Variants in HECW2 observed in about 807,000 individuals in gnomAD.
HECW2 encodes HECT, C2 and WW domain containing E3 ubiquitin protein ligase 2.
A neutral mutation model predicts 175.2 loss-of-function variants in HECW2; 61 were observed. That is an observed-to-expected ratio of 0.35 (90% confidence interval 0.28 to 0.43). HECW2 has a LOEUF of 0.43. Ranked by LOEUF, HECW2 falls within the 20% of genes least tolerant of loss-of-function variation. The pLI, the probability that HECW2 is intolerant of heterozygous loss-of-function variation, is 1.00. For missense variants in HECW2, 1,524 were observed against 2,000.5 expected (o/e 0.76, Z 4.54); for synonymous variants, 671 against 731.0 (o/e 0.92, Z 1.32).
intron 1 of HECW2, among the ~76,000 whole-genome samples, chr2:196,488,293 G>C (rs570480873): frequency 6.6e-6 from 1 of 152,232 alleles, no homozygotes; most frequent in African/African-American, 2.4e-5. Flanking sequence ...TAAGAGTTAA[G>C]ATATATCACA....
intron 2 of HECW2, among the ~76,000 whole-genome samples, chr2:196,357,671 CAT>C (rs1377376172): frequency 6.6e-6 from 1 of 152,196 alleles, no homozygotes; most frequent in African/African-American, 2.4e-5. Context: ...GTAATCCCCA[CAT>C]GTCGAGGGAG....
chr2:196,274,250 C>A, intron 15 of HECW2, 127 bp from the exon 16 acceptor site: 1 of 653,390 alleles, frequency 1.5e-6, no homozygotes, highest in Non-Finnish European at 2.7e-6. Context: ...AGAACAGATA[C>A]CAGCTGTGGG....
At chr2:196,463,699 T>G (rs968083549) in intron 1 of HECW2, among the ~76,000 whole-genome samples, 1 of 152,226 alleles carries the variant, frequency 6.6e-6, no homozygotes, top group African/African-American at 2.4e-5. Flanking sequence ...CTCTTTGTTC[T>G]TTGAATTCTA....
chr2:196,582,915 A>G (rs1206903687), intron 1 of HECW2, among the ~76,000 whole-genome samples: 1 of 152,146 alleles, frequency 6.6e-6, no homozygotes, highest in Non-Finnish European at 1.5e-5. Flanking sequence ...CCAAGTGGGG[A>G]CACTGCCTTT....
intron 25 of HECW2, 98 bp downstream of exon 25, chr2:196,220,697 T>A (rs1687633953): frequency 7.8e-7 from 1 of 1,284,250 alleles, no homozygotes; most frequent in Non-Finnish European, 1.1e-6. Flanking sequence ...CAACAGTAAA[T>A]ACAGCAGAAA....
chr2:196,285,522 G>T (rs541608217), intron 14 of HECW2, among the ~76,000 whole-genome samples: 210 of 147,134 alleles, frequency 1.4e-3, no homozygotes, highest in African/African-American at 4.7e-3. Flanking sequence ...TCTTGGAAGT[G>T]CTCAAAAAAA....
chr2:196,230,255 C>A (rs539867931), intron 21 of HECW2, among the ~76,000 whole-genome samples: 3 of 152,300 alleles, frequency 2.0e-5, no homozygotes, highest in Non-Finnish European at 4.4e-5. Flanking sequence ...ACGAAGGCAG[C>A]CTTTGCGGCT....
chr2:196,525,470 C>A (rs1688605420), intron 1 of HECW2, among the ~76,000 whole-genome samples: 1 of 148,974 alleles, frequency 6.7e-6, no homozygotes, highest in Admixed American at 6.7e-5. Flanking sequence ...TAATTTAGTC[C>A]ATTTACATTT....
At chr2:196,272,028 T>C (rs946370325) in intron 16 of HECW2, among the ~76,000 whole-genome samples, 1 of 151,974 alleles carries the variant, frequency 6.6e-6, no homozygotes, top group East Asian at 1.9e-4. Flanking sequence ...CTTACGAAAA[T>C]CAGCCTCACA....
At chr2:196,565,784 A>C (rs1261165632) in intron 1 of HECW2, among the ~76,000 whole-genome samples, 1 of 152,220 alleles carries the variant, frequency 6.6e-6, no homozygotes, top group East Asian at 1.9e-4. Flanking sequence ...TAAAATAATA[A>C]AGAATAATTG....
intron 3 of HECW2, among the ~76,000 whole-genome samples, chr2:196,342,367 G>A (rs1340293016): frequency 2.0e-5 from 3 of 147,154 alleles, no homozygotes; most frequent in African/African-American, 7.6e-5. Context: ...TTGCGCCATT[G>A]TACTCCAGCC....
chr2:196,489,582 C>T (rs1470019898), intron 1 of HECW2, among the ~76,000 whole-genome samples: 2 of 152,142 alleles, frequency 1.3e-5, no homozygotes, highest in Non-Finnish European at 2.9e-5. Context: ...ACATCCCTGG[C>T]GTGTGAAGGA....
rs35290180 is a variant in HECW2, at chr2:196,436,400, C to CA, written c.-35-2943dup. ...TGGGCGACAGAGCGAGACTCCATCT[C>CA]AAAAAAAAAAAAAAAAAAAAAGTTG... is the stretch of plus-strand genomic sequence containing the variant. On this transcript the variant is annotated intron_variant, in intron 1 of 28. Transcript: ENST00000644978. Among the ~76,000 whole-genome samples the CA allele has an allele frequency of 1.1e-3, 89 of 82,040 alleles. 1 individual carries two copies. The highest frequency in any genetic ancestry group is 3.5e-3 in the African/African-American group (80 of 22,896). The allele number at this position is 82,040 out of a possible 152,430, so 53.8% of individuals were successfully genotyped here.
chr2:196,385,630 C>A (rs1267117648), intron 2 of HECW2, among the ~76,000 whole-genome samples: 1 of 152,184 alleles, frequency 6.6e-6, no homozygotes, highest in Non-Finnish European at 1.5e-5. Context: ...GAAGCTAGTC[C>A]TTTAACTTCT....
At chr2:196,334,622 G>T in intron 3 of HECW2, 104 bp from the exon 4 acceptor site, 1 of 820,574 alleles carries the variant, frequency 1.2e-6, no homozygotes, top group Non-Finnish European at 2.0e-6. Flanking sequence ...TCCTACTCAT[G>T]ACTCTGAATG....
intron 17 of HECW2, among the ~76,000 whole-genome samples, chr2:196,262,264 T>A (rs1335016392): frequency 6.6e-6 from 1 of 152,298 alleles, no homozygotes; most frequent in African/African-American, 2.4e-5. Context: ...TGGCCTCAAG[T>A]GATCCTCCTG....
chr2:196,400,348 G>T (rs1409100907), intron 2 of HECW2, among the ~76,000 whole-genome samples: 1 of 152,156 alleles, frequency 6.6e-6, no homozygotes, highest in Admixed American at 6.5e-5. Flanking sequence ...CGTGTTGGCG[G>T]GGAAGGAGAG....
intron 1 of HECW2, among the ~76,000 whole-genome samples, chr2:196,515,407 G>C (rs1688112886): frequency 6.6e-6 from 1 of 152,210 alleles, no homozygotes; most frequent in Non-Finnish European, 1.5e-5. Flanking sequence ...CGGCAACAGA[G>C]GTTTCCAGCT....
intron 1 of HECW2, among the ~76,000 whole-genome samples, chr2:196,574,050 T>C (rs1174142486): frequency 6.6e-6 from 1 of 151,988 alleles, no homozygotes; most frequent in African/African-American, 2.4e-5. Flanking sequence ...ATCAACATTA[T>C]AAAATCACTG....
Sources: allele counts gnomAD v4.1 joint callset (sites outside exome capture counted in the v4.1 genomes callset), GRCh38; gene constraint gnomAD v4.1.1; transcripts MANE v1.5; gene names NCBI Gene and HGNC (gene_info 2026-07-23, HGNC 2026-07-21).